ARRDC3: variants seen among roughly 807,000 people sequenced by gnomAD.
The protein encoded by ARRDC3 is arrestin domain containing 3.
A neutral mutation model predicts 47.2 loss-of-function variants in ARRDC3; 10 were observed. That is an observed-to-expected ratio of 0.21 (90% CI 0.13 to 0.36). The LOEUF is 0.36. ARRDC3 is among the 10% of genes least tolerant of loss of function. The pLI, the probability that ARRDC3 is intolerant of heterozygous loss-of-function variation, is 1.00. For synonymous variants in ARRDC3, 156 were observed against 178.3 expected, an observed-to-expected ratio of 0.87 and a Z score of 1.00; for missense variants, 381 against 503.6, an observed-to-expected ratio of 0.76 and a Z score of 2.33.
Position 91,370,848 on chromosome 5 carries a change from A to G in ARRDC3, c.*552T>C, listed in dbSNP as rs1334560064. ...TGATACATAGTCAGCCTAGTAGACA[A>G]TTCTGAGCATGTGCATACGCAGGTA... is the stretch of plus-strand genomic sequence containing the variant. On this transcript the variant is annotated 3_prime_UTR_variant, in exon 8 of 8. Transcript: ENST00000265138. 6.6e-6 allele frequency: 1 copy of G among 152,614 alleles called. No homozygotes were observed. The highest frequency in any genetic ancestry group is 1.5e-5 in the Non-Finnish European group (1 of 68,132). The allele number at this position is 152,614 out of a possible 1,614,324, so 9.5% of individuals were successfully genotyped here.
At chr5:91,371,821 T>G (rs917817002) in intron 7 of ARRDC3, among the ~76,000 whole-genome samples, 3 of 152,218 alleles carry the variant, frequency 2.0e-5, no homozygotes, top group Admixed American at 1.3e-4. Flanking sequence ...AATATCTTCA[T>G]AGCAATCATC....
chr5:91,376,532 A>G (rs1799306810), intron 3 of ARRDC3, 89 bp downstream of exon 3: 2 of 1,169,002 alleles, frequency 1.7e-6, no homozygotes, highest in African/African-American at 1.6e-5. Context: ...GTATTTTTAA[A>G]TTATGACAAC....
At position 91,368,839 on chromosome 5, in the gene ARRDC3, C is replaced by T. The variant is rs1427701211; in HGVS notation, c.*2561G>A. 1 of 152,554 alleles carries T rather than the reference C, an allele frequency of 6.6e-6. No individual in the cohort carries two copies. The highest frequency in any genetic ancestry group is 2.4e-5 in the African/African-American group (1 of 41,434). 9.5% of individuals were successfully genotyped at this position (152,554 alleles called of 1,614,324 possible). On this transcript the variant is annotated 3_prime_UTR_variant, in exon 8 of 8. Transcript: ENST00000265138. ...AAAACAGAGCCTACAAGGACATATT[C>T]AGCACCAAATAAAAAAGGAAAAAAA... is the stretch of plus-strand genomic sequence containing the variant.
chr5:91,378,802 A>C, intron 1 of ARRDC3, 27 bp from the exon 2 acceptor site: 1 of 1,462,204 alleles, frequency 6.8e-7, no homozygotes, highest in Non-Finnish European at 9.4e-7. Flanking sequence ...AAGAAAACAA[A>C]GAATTTATTA....
intron 6 of ARRDC3, 47 bp from the exon 7 acceptor site, chr5:91,373,885 T>C (rs752309401): frequency 5.6e-6 from 9 of 1,609,410 alleles, no homozygotes; most frequent in Admixed American, 1.7e-5. Flanking sequence ...TTCTTATGCA[T>C]GTCAAAATAC....
At position 91,375,494 on chromosome 5, in the gene ARRDC3, A is replaced by G. The variant is rs955456250; in HGVS notation, c.613+17T>C. 2 of 1,559,774 alleles carry G rather than the reference A, an allele frequency of 1.3e-6. No homozygotes were observed. Among genetic ancestry groups the G allele is most frequent in the East Asian group, 2.3e-5 (1 of 44,170 alleles). ...AAGTGAAGAAAAGTTTTTTGTGGGA[A>G]TCTACCTCTTACATACCTGGGGTAT... On this transcript the variant is annotated intron_variant, in intron 4 of 7. Coordinates refer to ENST00000265138, the MANE Select transcript of ARRDC3 (RefSeq NM_020801.4).
chr5:91,377,908 T>C (rs192726433), intron 2 of ARRDC3, among the ~76,000 whole-genome samples: 1 of 152,224 alleles, frequency 6.6e-6, no homozygotes, highest in East Asian at 1.9e-4. Context: ...AAATGCAGAA[T>C]TAATGTACAT....
Position 91,371,008 on chromosome 5 carries a change from G to GA in ARRDC3, c.*391dup, listed in dbSNP as rs767515801. ...GAGTATCAAGAGTCTGGCAAAAATA[G>GA]AAAAAAAAAAAAAAAAAAAAAGAAG... On this transcript the variant is annotated 3_prime_UTR_variant, in exon 8 of 8. Coordinates refer to ENST00000265138, the MANE Select transcript of ARRDC3 (RefSeq NM_020801.4). 0.12 allele frequency: 9,179 copies of GA among 77,802 alleles called. 966 individuals carry two copies. Among genetic ancestry groups the GA allele is most frequent in the African/African-American group, 0.29 (6,910 of 24,038 alleles). The allele number at this position is 77,802 out of a possible 1,614,324, so 4.8% of individuals were successfully genotyped here.
chr5:91,373,581 TAAC>T (rs1245041614), intron 7 of ARRDC3, 100 bp downstream of exon 7: 7 of 1,150,264 alleles, frequency 6.1e-6, no homozygotes, highest in Middle Eastern at 3.0e-4. Context: ...TTTGTTCTGT[TAAC>T]ATGATAATCA....
At chr5:91,379,349 A>T (rs1174077498) in intron 1 of ARRDC3, among the ~76,000 whole-genome samples, 1 of 151,788 alleles carries the variant, frequency 6.6e-6, no homozygotes, top group Non-Finnish European at 1.5e-5. Context: ...TATAACTAAA[A>T]ATAATTATTT....
chr5:91,382,898 G>A lies in ARRDC3; in HGVS notation c.195C>T (p.Ala65=). 6.2e-7 allele frequency: 1 copy of A among 1,613,974 alleles called. No individual in the cohort carries two copies. Residue 65 remains alanine (A), a synonymous_variant, in exon 1 of 8, where the codon GCC becomes GCT. Transcript: ENST00000265138. ...TCTGTGTATAGGCAGTATTGGAGCC[G>A]GCGTTTCTAGATTCAGTCCAGCGTA... ...AKVRWTESRN[A]GSNTAYTQNY... is the part of the protein sequence containing the mutation.
In ARRDC3 at chr5:91,375,602, T is replaced by C. The variant is rs1799282538; in HGVS notation, c.522A>G (p.Ala174=). The change falls in exon 4 of 8, where the codon GCA becomes GCG. Residue 174 remains alanine, a synonymous_variant. Transcript: ENST00000265138. The part of the protein sequence containing the change: ...INTPSLLSPQ[A]GTKEKTLCCW... ...AACAGAGTGTCTTTTCTTTTGTGCC[T>C]GCTTGGGGTGACTGTAAGAAAAAAA... 2 of 1,606,726 alleles carry C rather than the reference T, an allele frequency of 1.2e-6. No homozygotes were observed. The highest frequency in any genetic ancestry group is 2.7e-5 in the African/African-American group (2 of 74,718).
chr5:91,374,403 A>G (rs1799251657), intron 5 of ARRDC3, 127 bp from the exon 6 acceptor site: 1 of 797,284 alleles, frequency 1.3e-6, no homozygotes, highest in Non-Finnish European at 2.0e-6. Flanking sequence ...ATACATGAAA[A>G]GTTTCTCTTT....
chr5:91,373,154 T>G (rs539608181), intron 7 of ARRDC3, among the ~76,000 whole-genome samples: 10 of 152,220 alleles, frequency 6.6e-5, no homozygotes, highest in Non-Finnish European at 1.3e-4. Context: ...TGTGGGTTTC[T>G]CCTAAGGGCC....
intron 5 of ARRDC3, 79 bp downstream of exon 5, chr5:91,374,843 G>T: frequency 7.0e-7 from 1 of 1,421,912 alleles, no homozygotes. Flanking sequence ...CTGAGACTGT[G>T]CCACTGCATT....
Position 91,382,810 on chromosome 5 carries a change from T to TA in ARRDC3, c.280+2dup. On this transcript the variant is annotated splice_region_variant and intron_variant, in intron 1 of 7. Transcript: ENST00000265138. ...CAATGACTTATGAATAACAAAAACT[T>TA]ACCTCTTTCGTGCCCAATTAAGATG... 1 of 1,608,102 alleles carries TA rather than the reference T, an allele frequency of 6.2e-7. No homozygotes were observed. Among genetic ancestry groups the TA allele is most frequent in the Non-Finnish European group, 8.5e-7 (1 of 1,177,382 alleles).
intron 1 of ARRDC3, 129 bp from the exon 2 acceptor site, chr5:91,378,904 T>G: frequency 2.0e-6 from 1 of 506,090 alleles, no homozygotes; most frequent in Non-Finnish European, 3.5e-6. Context: ...GTCTGAGAGA[T>G]CTGAGTTCTA....
intron 1 of ARRDC3, chr5:91,380,248 C>T (rs1799417415): frequency 6.2e-6 from 1 of 161,586 alleles, no homozygotes; most frequent in Admixed American, 6.5e-5. Flanking sequence ...CCCGCGCGCC[C>T]CGCTATACAT....
intron 3 of ARRDC3, 89 bp from the exon 4 acceptor site, chr5:91,375,702 G>T: frequency 1.1e-6 from 1 of 873,142 alleles, no homozygotes; most frequent in South Asian, 3.0e-5. Flanking sequence ...CTAAATTTAT[G>T]GAAAATTAAA....
Sources: gnomAD v4.1 joint callset for allele counts (sites outside exome capture counted in the v4.1 genomes callset) on GRCh38, gnomAD v4.1.1 for gene constraint, MANE v1.5 for transcripts, NCBI Gene and HGNC (gene_info 2026-07-23, HGNC 2026-07-21) for gene names.